PIP5K1C: variants seen among roughly 807,000 people sequenced by gnomAD.
PIP5K1C encodes phosphatidylinositol-4-phosphate 5-kinase type 1 gamma.
Under a neutral mutation model 80.1 loss-of-function variants are expected in PIP5K1C, and 45 were observed. The ratio of observed to expected loss-of-function variants is 0.56; its 90% CI spans 0.44 to 0.72. The LOEUF (loss-of-function observed/expected upper bound fraction) is 0.72. PIP5K1C is among the 30% of genes least tolerant of loss of function. PIP5K1C has a pLI of 0.00. For synonymous variants in PIP5K1C, 498 were observed against 420.1 expected (o/e 1.19, Z -2.27); for missense variants, 753 against 954.6 (o/e 0.79, Z 2.78).
Position 3,660,965 on chromosome 19 carries a change from C to T in PIP5K1C, c.468+1G>A, listed in dbSNP as rs780647160. 1.2e-6 allele frequency: 2 copies of T among 1,610,180 alleles called. No homozygotes were observed. Among genetic ancestry groups the T allele is most frequent in the Non-Finnish European group, 1.7e-6 (2 of 1,176,634 alleles). On this transcript the variant is annotated splice_donor_variant, in intron 5 of 17. Transcript: ENST00000335312. LOFTEE classifies it high-confidence loss of function. ...AAGCCCGTAACAGCAAATATGCTTA[C>T]CAAGTAATCATCTGGCCGGATCCCA... is the stretch of plus-strand genomic sequence containing the variant.
chr19:3,699,637 G>A (rs1220676789), intron 1 of PIP5K1C, among the ~76,000 whole-genome samples: 1 of 152,210 alleles, frequency 6.6e-6, no homozygotes. Context: ...CCCACAGAAG[G>A]GAAGGCCCAG....
chr19:3,688,819 C>T lies in PIP5K1C; in HGVS notation c.94+11478G>A, dbSNP rs554863506. Among the ~76,000 whole-genome samples the T allele has an allele frequency of 6.6e-6, 1 of 152,246 alleles. No individual in the cohort carries two copies. The highest frequency in any genetic ancestry group is 2.1e-4 in the South Asian group (1 of 4,822). ...GCCGGGGGAGGGGGACCCACACCCACGTCGCCATGGCCCCCCACCCCGTTT... is the reference window on the plus strand; with the variant it reads ...GCCGGGGGAGGGGGACCCACACCCATGTCGCCATGGCCCCCCACCCCGTTT... On this transcript the variant is annotated intron_variant, in intron 1 of 17. Coordinates refer to ENST00000335312, the MANE Select transcript of PIP5K1C (RefSeq NM_012398.3). The surrounding 1 kb of genome is among the most constrained non-coding windows in gnomAD (Gnocchi z 5.3).
intron 5 of PIP5K1C, among the ~76,000 whole-genome samples, chr19:3,657,106 C>T (rs2034659264): frequency 6.6e-6 from 1 of 152,236 alleles, no homozygotes; most frequent in Admixed American, 6.5e-5. Context: ...GAAGCTGCAT[C>T]TCTGATGGGC....
intron 1 of PIP5K1C, among the ~76,000 whole-genome samples, chr19:3,676,564 G>A (rs59939962): frequency 1.2e-4 from 19 of 152,334 alleles, no homozygotes; most frequent in Admixed American, 1.0e-3. Context: ...CCCACTCCCC[G>A]ACGGCGCGTG....
At chr19:3,654,581 C>T (rs556975044) in intron 6 of PIP5K1C, among the ~76,000 whole-genome samples, 8 of 152,260 alleles carry the variant, frequency 5.3e-5, no homozygotes, top group Non-Finnish European at 1.0e-4. Context: ...TGTGGGAGGC[C>T]GAGGCGGGCG....
chr19:3,684,422 G>A (rs1453298486), intron 1 of PIP5K1C, among the ~76,000 whole-genome samples: 1 of 152,212 alleles, frequency 6.6e-6, no homozygotes, highest in Non-Finnish European at 1.5e-5. Flanking sequence ...CCCTGCTTTG[G>A]CCAATCACAT....
At chr19:3,678,385 T>G (rs1474925028) in intron 1 of PIP5K1C, among the ~76,000 whole-genome samples, 1 of 90,322 alleles carries the variant, frequency 1.1e-5, no homozygotes, top group African/African-American at 4.5e-5. Context: ...GGATGGAGAA[T>G]AGATGGATGG....
intron 1 of PIP5K1C, among the ~76,000 whole-genome samples, chr19:3,687,094 G>A (rs1023175661): frequency 3.9e-5 from 6 of 152,166 alleles, no homozygotes; most frequent in Non-Finnish European, 5.9e-5. Context: ...TCTGGAAGCT[G>A]AAGAAGAAGA....
chr19:3,633,610 G>C (rs574673649), intron 16 of PIP5K1C, 90 bp from the exon 17 acceptor site: 24 of 868,476 alleles, frequency 2.8e-5, no homozygotes, highest in Non-Finnish European at 3.5e-5. Context: ...AGAGACAGGA[G>C]AACATAAAAG....
intron 1 of PIP5K1C, among the ~76,000 whole-genome samples, chr19:3,675,951 C>A (rs1338172947): frequency 1.3e-5 from 2 of 152,192 alleles, no homozygotes; most frequent in Non-Finnish European, 2.9e-5. Flanking sequence ...TGAGGTTAAA[C>A]CCTTGGGTGA....
rs753379643 is a variant in PIP5K1C at position 3,656,558 on chromosome 19, C to CTGGA, written c.469-5_469-2dup. On this transcript the variant is annotated splice_acceptor_variant, in intron 5 of 17. Transcript: ENST00000335312. LOFTEE classifies it high-confidence loss of function. ...TCAGCGGCTCATTGCACAGGGAGTA[C>CTGGA]TGGAAGCAGAGGAGGCGGGTCAGCG... 6.2e-7 allele frequency: 1 copy of CTGGA among 1,613,452 alleles called. No individual in the cohort carries two copies. The highest frequency in any genetic ancestry group is 1.7e-5 in the Admixed American group (1 of 60,028).
rs191358993 is a variant in PIP5K1C at position 3,654,175 on chromosome 19, T to C, written c.622-586A>G. On this transcript the variant is annotated intron_variant, in intron 6 of 17. Transcript: ENST00000335312. ...AGCCCAGCCTCTATGTTGGTTATGC[T>C]TTGCCTGTGTTGAACTGATCAACTC... Among the ~76,000 whole-genome samples the C allele has an allele frequency of 3.9e-5, 6 of 152,320 alleles. No homozygotes were observed. The East Asian group carries it at 1.2e-3, about 29-fold the overall frequency.
At position 3,696,569 on chromosome 19, in the gene PIP5K1C, G is replaced by C. The variant is rs1405569311; in HGVS notation, c.94+3728C>G. 1.3e-5 allele frequency among the ~76,000 whole-genome samples: 2 copies of C among 150,384 alleles called. No individual in the cohort carries two copies. Among genetic ancestry groups the C allele is most frequent in the African/African-American group, 4.9e-5 (2 of 40,758 alleles). On this transcript the variant is annotated intron_variant, in intron 1 of 17. Coordinates refer to ENST00000335312, the MANE Select transcript of PIP5K1C (RefSeq NM_012398.3). The surrounding 1 kb of genome is among the most constrained non-coding windows in gnomAD (Gnocchi z 4.1). ...CCCACAAAACCTGGAAAGCGCTAAG[G>C]GAGCAAAGGACACAGATGGGAGGAG...
intron 1 of PIP5K1C, among the ~76,000 whole-genome samples, chr19:3,684,844 T>G (rs2035703859): frequency 6.6e-6 from 1 of 152,128 alleles, no homozygotes; most frequent in Non-Finnish European, 1.5e-5. Flanking sequence ...CCAGGAGAAC[T>G]CAAGCTCTTA....
chr19:3,636,645 G>C (rs2145369246), intron 16 of PIP5K1C: 2 of 985,672 alleles, frequency 2.0e-6, no homozygotes, highest in African/African-American at 1.7e-5. Flanking sequence ...CTGGCTCCGT[G>C]GGACGGAGCT....
chr19:3,697,893 G>A (rs958114699), intron 1 of PIP5K1C, among the ~76,000 whole-genome samples: 3 of 152,210 alleles, frequency 2.0e-5, no homozygotes, highest in South Asian at 4.1e-4. Flanking sequence ...CCACGGCCAC[G>A]GCCCATGGAG....
At chr19:3,650,484 C>A (rs796670628) in intron 8 of PIP5K1C, among the ~76,000 whole-genome samples, 1 of 152,258 alleles carries the variant, frequency 6.6e-6, no homozygotes, top group African/African-American at 2.4e-5. Context: ...GTGGTTGTCA[C>A]AACTGGGGGG....
chr19:3,642,844 G>A, intron 14 of PIP5K1C, 63 bp downstream of exon 14: 4 of 1,373,732 alleles, frequency 2.9e-6, no homozygotes, highest in South Asian at 2.3e-5. Flanking sequence ...GGCGGGAAAC[G>A]GAGCTGGGAG....
intron 1 of PIP5K1C, among the ~76,000 whole-genome samples, chr19:3,693,565 G>A (rs2036009399): frequency 6.6e-6 from 1 of 152,216 alleles, no homozygotes; most frequent in Non-Finnish European, 1.5e-5. Context: ...TGCTGCCGGG[G>A]CCAGGCGGCA....
Sources: gnomAD v4.1 joint callset for allele counts (sites outside exome capture counted in the v4.1 genomes callset) on GRCh38, gnomAD v4.1.1 for gene constraint, Gnocchi (gnomAD v3.1) non-coding constraint, MANE v1.5 for transcripts, NCBI Gene and HGNC (gene_info 2026-07-23, HGNC 2026-07-21) for gene names.